The following SAMMSON variants were observed in gnomAD, a reference collection of about 807,000 sequenced individuals.
SAMMSON encodes long intergenic non-protein coding RNA 1212.
chr3:70,336,957 A>C (rs1392848985), intron 7 of SAMMSON, among the ~76,000 whole-genome samples: 1 of 149,066 alleles, frequency 6.7e-6, no homozygotes, highest in Non-Finnish European at 1.5e-5. Context: ...AAAGAATCAA[A>C]TATTCTCCCT....
intron 7 of SAMMSON, among the ~76,000 whole-genome samples, chr3:70,309,986 C>T (rs1702440514): frequency 6.6e-6 from 1 of 152,076 alleles, no homozygotes; most frequent in Non-Finnish European, 1.5e-5. Flanking sequence ...ACATCTGTAG[C>T]ACAGAGTAAT....
intron 3 of SAMMSON, among the ~76,000 whole-genome samples, chr3:70,062,034 A>T (rs569657105): frequency 1.3e-5 from 2 of 152,210 alleles, no homozygotes; most frequent in East Asian, 3.9e-4. Context: ...TCACCATTCT[A>T]CAGGCAAACC....
At chr3:70,434,405 C>T (rs1701442107) in intron 2 of SAMMSON, among the ~76,000 whole-genome samples, 1 of 152,090 alleles carries the variant, frequency 6.6e-6, no homozygotes, top group Admixed American at 6.5e-5. Context: ...ATGCTTTAAA[C>T]TTCAAATTCT....
At chr3:70,173,421 T>C (rs1298893056) in intron 4 of SAMMSON, among the ~76,000 whole-genome samples, 2 of 151,976 alleles carry the variant, frequency 1.3e-5, no homozygotes, top group Admixed American at 1.3e-4. Context: ...AATAATGATA[T>C]AAAATTTGTT....
intron 4 of SAMMSON, among the ~76,000 whole-genome samples, chr3:70,202,662 G>A (rs1701251370): frequency 6.6e-6 from 1 of 152,066 alleles, no homozygotes; most frequent in African/African-American, 2.4e-5. Flanking sequence ...GTCAACAGTG[G>A]TGTTTTGCTG....
At chr3:70,183,960 T>A (rs1701073233) in intron 4 of SAMMSON, 1 of 152,206 alleles carries the variant, frequency 6.6e-6, no homozygotes, top group South Asian at 2.1e-4. Flanking sequence ...CAATCTTTTT[T>A]GGATGTCATG....
At chr3:70,330,692 C>A (rs774257180) in intron 7 of SAMMSON, among the ~76,000 whole-genome samples, 1 of 151,808 alleles carries the variant, frequency 6.6e-6, no homozygotes. Flanking sequence ...GTGAAGTATA[C>A]GGGAGAAGAT....
chr3:70,012,244 C>A (rs1037057608), intron 1 of SAMMSON: 4 of 152,136 alleles, frequency 2.6e-5, no homozygotes, highest in Admixed American at 2.6e-4. Context: ...AAAATGTCTG[C>A]ATCCTATCCT....
intron 4 of SAMMSON, among the ~76,000 whole-genome samples, chr3:70,161,650 G>A (rs907749416): frequency 2.0e-5 from 3 of 151,726 alleles, no homozygotes; most frequent in African/African-American, 7.2e-5. Context: ...GTATTTGTTT[G>A]ACTTTAGTAT....
At chr3:70,266,612 T>TTTA in intron 6 of SAMMSON, among the ~76,000 whole-genome samples, 1 of 152,056 alleles carries the variant, frequency 6.6e-6, no homozygotes, top group Non-Finnish European at 1.5e-5. Flanking sequence ...TTTTAATTTT[T>TTTA]TTATTTTTAT....
chr3:70,170,794 A>G (rs1290063803), intron 4 of SAMMSON, among the ~76,000 whole-genome samples: 1 of 151,900 alleles, frequency 6.6e-6, no homozygotes, highest in Non-Finnish European at 1.5e-5. Context: ...AAAATCAAAT[A>G]AGAAAAATTA....
At chr3:70,175,033 G>A (rs7642356) in intron 4 of SAMMSON, among the ~76,000 whole-genome samples, 10,756 of 152,050 alleles carry the variant, frequency 0.071, 512 homozygotes, top group Non-Finnish European at 0.11. Flanking sequence ...ACAAAAGCTG[G>A]TATTCGATTG....
intron 6 of SAMMSON, among the ~76,000 whole-genome samples, chr3:70,285,107 G>A (rs1214774148): frequency 5.4e-5 from 8 of 148,232 alleles, no homozygotes; most frequent in Non-Finnish European, 3.0e-5. Context: ...TGCACATTGT[G>A]CAGGTTAGTT....
chr3:70,215,082 A>G (rs1559536951), intron 4 of SAMMSON, among the ~76,000 whole-genome samples: 1 of 152,156 alleles, frequency 6.6e-6, no homozygotes, highest in Non-Finnish European at 1.5e-5. Flanking sequence ...ATTCTCTATT[A>G]TGTTAAAACC....
intron 4 of SAMMSON, among the ~76,000 whole-genome samples, chr3:70,097,499 CTTGAT>C (rs1222904121): frequency 6.6e-6 from 1 of 152,214 alleles, no homozygotes; most frequent in East Asian, 1.9e-4. Context: ...AATTTTATAA[CTTGAT>C]TTGTTGCCTT....
chr3:70,170,960 T>G (rs115041402), intron 4 of SAMMSON, among the ~76,000 whole-genome samples: 2,019 of 151,974 alleles, frequency 0.013, 43 homozygotes, highest in African/African-American at 0.046. Context: ...GTGTAATAAC[T>G]GCGTGATTAG....
At chr3:70,150,193 A>T (rs2067566108) in intron 4 of SAMMSON, among the ~76,000 whole-genome samples, 1 of 152,036 alleles carries the variant, frequency 6.6e-6, no homozygotes, top group Non-Finnish European at 1.5e-5. Context: ...CTTGAATGTG[A>T]CATGTTTCCT....
intron 3 of SAMMSON, among the ~76,000 whole-genome samples, chr3:70,067,689 C>T (rs1369556659): frequency 6.6e-6 from 1 of 151,994 alleles, no homozygotes; most frequent in Non-Finnish European, 1.5e-5. Flanking sequence ...GTGGACTAAT[C>T]CTGTTTGAAA....
intron 4 of SAMMSON, among the ~76,000 whole-genome samples, chr3:70,230,010 T>C (rs1701543312): frequency 6.6e-6 from 1 of 152,194 alleles, no homozygotes; most frequent in African/African-American, 2.4e-5. Context: ...TATTATTATC[T>C]AATTTTATCA....
Sources: allele counts gnomAD v4.1 joint callset (sites outside exome capture counted in the v4.1 genomes callset), GRCh38; gene constraint gnomAD v4.1.1; transcripts MANE v1.5; gene names NCBI Gene and HGNC (gene_info 2026-07-23, HGNC 2026-07-21).